The following ZNF516 variants were observed in gnomAD, a reference collection of about 807,000 sequenced individuals.
ZNF516 encodes zinc finger protein 516.
A neutral mutation model predicts 79.7 loss-of-function variants in ZNF516; 19 were observed. That is an observed-to-expected ratio of 0.24 (90% confidence interval 0.17 to 0.35). The LOEUF (loss-of-function observed/expected upper bound fraction) is 0.35. ZNF516 is among the 10% of genes least tolerant of loss of function. ZNF516 has a pLI of 1.00. For missense variants in ZNF516, 1,678 were observed against 1,679.5 expected (o/e 1.00, Z 0.02); for synonymous variants, 877 against 739.5 (o/e 1.19, Z -3.02).
chr18:76,399,449 G>A (rs1435374884), intron 3 of ZNF516, among the ~76,000 whole-genome samples: 1 of 152,110 alleles, frequency 6.6e-6, no homozygotes, highest in African/African-American at 2.4e-5. Context: ...TACATGTGGG[G>A]GATTATATAT....
rs80097883 is a variant in ZNF516 at position 76,385,097 on chromosome 18, C to T, written c.1811-4794G>A. Among the ~76,000 whole-genome samples the T allele has an allele frequency of 3.0e-3, 458 of 152,346 alleles. 2 individuals are homozygous for T. The highest frequency in any genetic ancestry group is 9.1e-3 in the African/African-American group (379 of 41,590). ...TCCGAGCAGCCCTAGAGAAGGCGCACGTCGCTCCCAACCCCACGAGTGTGC... is the reference window on the plus strand; with the variant it reads ...TCCGAGCAGCCCTAGAGAAGGCGCATGTCGCTCCCAACCCCACGAGTGTGC... On this transcript the variant is annotated intron_variant, in intron 3 of 6. Transcript: ENST00000443185.
intron 3 of ZNF516, among the ~76,000 whole-genome samples, chr18:76,410,742 A>G (rs1418673724): frequency 1.3e-5 from 2 of 152,226 alleles, no homozygotes; most frequent in Non-Finnish European, 2.9e-5. Flanking sequence ...AGAAAAAGAG[A>G]AATTTTACCA....
intron 4 of ZNF516, chr18:76,372,648 G>A (rs1037762087): frequency 1.3e-5 from 2 of 152,148 alleles, no homozygotes; most frequent in Non-Finnish European, 2.9e-5. Flanking sequence ...AGCTCAATAG[G>A]TAAAAACATA....
chr18:76,476,322 CTCTG>C (rs749940175), intron 1 of ZNF516, among the ~76,000 whole-genome samples: 19 of 152,210 alleles, frequency 1.2e-4, no homozygotes, highest in Non-Finnish European at 2.1e-4. Flanking sequence ...AGCAAAGTGT[CTCTG>C]TCTATCTTGA....
At chr18:76,476,646 G>A (rs1157338941) in intron 1 of ZNF516, among the ~76,000 whole-genome samples, 2 of 152,314 alleles carry the variant, frequency 1.3e-5, no homozygotes, top group South Asian at 2.1e-4. Flanking sequence ...TCTGCCAAGC[G>A]ATTAAACGTA....
intron 6 of ZNF516, among the ~76,000 whole-genome samples, chr18:76,369,986 G>A (rs2074676577): frequency 6.6e-6 from 1 of 152,190 alleles, no homozygotes; most frequent in African/African-American, 2.4e-5. Context: ...TGTGTACTGA[G>A]TCATGCATGT....
rs762361470 is a variant in ZNF516, at chr18:76,379,222, G to C, written c.2892C>G (p.Pro964=). The change falls in exon 4 of 7, where the codon CCC becomes CCG. Residue 964 remains proline, a synonymous_variant. Transcript: ENST00000443185. ...GVPPAGAGFA[P]TNKHSAPDSL... is the part of the protein sequence containing the mutation. ...AGTCCGGGGCACTGTGCTTATTTGT[G>C]GGGGCAAAGCCAGCCCCCGCTGGGG... 1.2e-6 allele frequency: 2 copies of C among 1,612,838 alleles called. No individual in the cohort carries two copies. Among genetic ancestry groups the C allele is most frequent in the South Asian group, 1.1e-5 (1 of 91,084 alleles).
intron 1 of ZNF516, among the ~76,000 whole-genome samples, chr18:76,463,543 A>G (rs1913256483): frequency 6.6e-6 from 1 of 152,262 alleles, no homozygotes; most frequent in African/African-American, 2.4e-5. Flanking sequence ...TGGTGTGCGC[A>G]TCACACTGCC....
intron 1 of ZNF516, among the ~76,000 whole-genome samples, chr18:76,477,043 T>C (rs1371548836): frequency 6.6e-6 from 1 of 152,180 alleles, no homozygotes; most frequent in African/African-American, 2.4e-5. Context: ...GCAGAAATAT[T>C]CGTTTGCCTA....
intron 3 of ZNF516, chr18:76,389,517 C>G (rs1023835619): frequency 6.6e-6 from 1 of 152,154 alleles, no homozygotes; most frequent in Non-Finnish European, 1.5e-5. Context: ...ACCTTCCATC[C>G]GCACGCACAT....
chr18:76,487,819 T>C, intron 1 of ZNF516: 1 of 558,956 alleles, frequency 1.8e-6, no homozygotes, highest in South Asian at 7.7e-5. Context: ...ATTTGAAAAA[T>C]GCTGTCTCCT....
At chr18:76,386,829 G>A (rs901128696) in intron 3 of ZNF516, 1 of 152,142 alleles carries the variant, frequency 6.6e-6, no homozygotes, top group African/African-American at 2.4e-5. Context: ...TTTTCATCAT[G>A]CAGCCAAACA....
At chr18:76,391,090 G>A (rs2075066372) in intron 3 of ZNF516, among the ~76,000 whole-genome samples, 2 of 152,132 alleles carry the variant, frequency 1.3e-5, no homozygotes, top group Admixed American at 6.5e-5. Context: ...GACACCAGGG[G>A]TCCACAGGAG....
Position 76,441,307 on chromosome 18 carries a change from G to A in ZNF516, c.1748C>T (p.Ser583Phe). The A allele has an allele frequency of 6.2e-7, 1 of 1,611,542 alleles. No individual in the cohort carries two copies. Among genetic ancestry groups the A allele is most frequent in the Non-Finnish European group, 8.5e-7 (1 of 1,179,500 alleles). Residue 583 changes from serine to phenylalanine, a missense_variant, in exon 3 of 7, where the codon TCT becomes TTT. Physicochemically the swap from Ser to Phe is radical, Grantham distance 155. This residue lies in a region of ZNF516 where 1,294 missense variants were observed against 1,248.3 expected (regional missense o/e 1.04). Transcript: ENST00000443185. ...SACAAADSPG[S>F]GLADEAAEDS... ...TTCGGCAGCCTCGTCGGCCAGGCCA[G>A]AGCCCGGGGAGTCAGCAGCGGCACA...
At chr18:76,490,245 AC>A in intron 1 of ZNF516, 1 of 972,994 alleles carries the variant, frequency 1.0e-6, no homozygotes, top group Non-Finnish European at 1.2e-6. Flanking sequence ...AACCCCTGAC[AC>A]CACGGCAGGC....
intron 3 of ZNF516, among the ~76,000 whole-genome samples, chr18:76,389,597 TA>T (rs2075042176): frequency 6.6e-6 from 1 of 152,228 alleles, no homozygotes; most frequent in African/African-American, 2.4e-5. Context: ...CAAAAATTGC[TA>T]ACTAGACAGG....
intron 3 of ZNF516, among the ~76,000 whole-genome samples, chr18:76,384,131 C>T (rs1454959392): frequency 1.3e-5 from 2 of 152,158 alleles, no homozygotes; most frequent in African/African-American, 4.8e-5. Context: ...TTCCCATTCT[C>T]GTGTGCACTC....
At chr18:76,411,203 G>A (rs959637891) in intron 3 of ZNF516, among the ~76,000 whole-genome samples, 6 of 152,170 alleles carry the variant, frequency 3.9e-5, no homozygotes, top group Admixed American at 3.3e-4. Context: ...GGCTACTCAC[G>A]AAGGACTGTG....
chr18:76,459,540 G>A lies in ZNF516; in HGVS notation c.-158+3488C>T, dbSNP rs1413906977. On this transcript the variant is annotated intron_variant, in intron 2 of 6. Transcript: ENST00000443185. The surrounding 1 kb of genome is among the most constrained non-coding windows in gnomAD (Gnocchi z 5.0). ...TGTGCACCCCATCGGGCACCGCGTC[G>A]CCTCCCTCGGAATGTATTCCAGCAC... Among the ~76,000 whole-genome samples the A allele has an allele frequency of 2.0e-5, 3 of 152,166 alleles. No homozygotes were observed. Among genetic ancestry groups the A allele is most frequent in the Admixed American group, 6.5e-5 (1 of 15,276 alleles).
Sources: gnomAD v4.1 joint callset for allele counts (sites outside exome capture counted in the v4.1 genomes callset) on GRCh38, gnomAD v4.1.1 for gene constraint, gnomAD v4.1.1 regional missense constraint, Gnocchi (gnomAD v3.1) non-coding constraint, MANE v1.5 for transcripts, NCBI Gene and HGNC (gene_info 2026-07-23, HGNC 2026-07-21) for gene names.